The following GABRB2 variants were observed in gnomAD, a reference collection of about 807,000 sequenced individuals.
GABRB2 encodes the protein gamma-aminobutyric acid type A receptor subunit beta2.
In GABRB2, 16 loss-of-function variants were observed where a neutral mutation model predicts 54.7. The observed-to-expected ratio is 0.29, with a 90% CI of 0.20 to 0.44. GABRB2 has a LOEUF of 0.44. Among genes scored for constraint, GABRB2 ranks in the 20% least tolerant of loss-of-function variants. The probability of loss-of-function intolerance (pLI) is 1.00; values close to 1 mark genes in which losing one functional copy is unlikely to be tolerated. For synonymous variants in GABRB2, 244 were observed against 233.8 expected (o/e 1.04, Z -0.40); for missense variants, 355 against 644.0 (o/e 0.55, Z 4.86).
rs370193989 is a variant in GABRB2 at position 161,324,865 on chromosome 5, TATG to T, written c.1191+1500_1191+1502del. 4.1e-4 allele frequency among the ~76,000 whole-genome samples: 63 copies of T among 152,236 alleles called. No individual in the cohort carries two copies. In the South Asian group the frequency reaches 8.7e-3, roughly 21 times the overall value. On this transcript the variant is annotated intron_variant, in intron 9 of 9. Transcript: ENST00000393959. ...TATTTTCATTGAACATTTTTGTTAATATGATATTTTATGAGATAGAGGAAGAGG... is the reference window on the plus strand; with the variant it reads ...TATTTTCATTGAACATTTTTGTTAATATATTTTATGAGATAGAGGAAGAGG...
chr5:161,468,369 C>T (rs1758337725), intron 3 of GABRB2, among the ~76,000 whole-genome samples: 1 of 152,074 alleles, frequency 6.6e-6, no homozygotes, highest in Non-Finnish European at 1.5e-5. Context: ...CCACACTGGC[C>T]TGTTCTGTTT....
intron 8 of GABRB2, among the ~76,000 whole-genome samples, chr5:161,327,444 A>G (rs1195590788): frequency 1.3e-5 from 2 of 151,996 alleles, no homozygotes; most frequent in East Asian, 3.9e-4. Context: ...AGAAGGATAG[A>G]AAAATCCATA....
chr5:161,299,450 A>G (rs1757473088), intron 9 of GABRB2, among the ~76,000 whole-genome samples: 2 of 152,206 alleles, frequency 1.3e-5, no homozygotes, highest in African/African-American at 4.8e-5. Flanking sequence ...CCAAATCAAC[A>G]GAATCTGCTG....
intron 5 of GABRB2, among the ~76,000 whole-genome samples, chr5:161,370,209 A>G (rs1190494180): frequency 6.6e-6 from 1 of 152,208 alleles, no homozygotes; most frequent in Non-Finnish European, 1.5e-5. Flanking sequence ...AGTCTAGATT[A>G]CTTACAGGAA....
Position 161,395,845 on chromosome 5 carries a change from C to A in GABRB2, c.541+15130G>T, listed in dbSNP as rs536966835. On this transcript the variant is annotated intron_variant, in intron 5 of 9. Coordinates refer to ENST00000393959, the MANE Select transcript of GABRB2 (RefSeq NM_001371727.1). The stretch of plus-strand genomic sequence containing the variant: ...AAGACTGCCCACTCCAGCCCTTATA[C>A]CTTCTACCTTGCTGTCATCAAAAGG... 1.7e-3 allele frequency among the ~76,000 whole-genome samples: 253 copies of A among 152,154 alleles called. 1 individual carries two copies. Among genetic ancestry groups the A allele is most frequent in the African/African-American group, 5.8e-3 (241 of 41,542 alleles).
At chr5:161,509,470 T>C (rs1009395408) in intron 3 of GABRB2, among the ~76,000 whole-genome samples, 2 of 151,932 alleles carry the variant, frequency 1.3e-5, no homozygotes, top group Admixed American at 6.6e-5. Context: ...GGCATCACTT[T>C]CTCTGAAAAG....
rs67936445 is a variant in GABRB2 at position 161,398,013 on chromosome 5, TGATAGATA to T, written c.541+12954_541+12961del. ...TAATTGATAGACAGAGGTAGATAGA[TGATAGATA>T]GATAGATAGATAGATAGACAGATAG... On this transcript the variant is annotated intron_variant, in intron 5 of 9. Coordinates refer to ENST00000393959, the MANE Select transcript of GABRB2 (RefSeq NM_001371727.1). Among the ~76,000 whole-genome samples the T allele has an allele frequency of 1.3e-3, 196 of 151,076 alleles. 1 individual carries two copies. Among genetic ancestry groups the T allele is most frequent in the African/African-American group, 4.0e-3 (165 of 41,198 alleles).
intron 6 of GABRB2, 34 bp from the exon 7 acceptor site, chr5:161,334,938 A>G: frequency 1.2e-6 from 2 of 1,602,244 alleles, no homozygotes; most frequent in Non-Finnish European, 1.7e-6. Flanking sequence ...CATCATTATC[A>G]ATCAATATTT....
At chr5:161,544,385 C>T (rs1760907073) in intron 3 of GABRB2, among the ~76,000 whole-genome samples, 1 of 152,040 alleles carries the variant, frequency 6.6e-6, no homozygotes, top group African/African-American at 2.4e-5. Flanking sequence ...AGGAATGCCC[C>T]CAAGTATGTG....
chr5:161,430,062 G>A (rs1323956902), intron 4 of GABRB2, among the ~76,000 whole-genome samples: 1 of 151,962 alleles, frequency 6.6e-6, no homozygotes, highest in Non-Finnish European at 1.5e-5. Flanking sequence ...CTGTCCTGAG[G>A]GCTAATGTTA....
At chr5:161,398,877 AC>A (rs1756089091) in intron 5 of GABRB2, among the ~76,000 whole-genome samples, 1 of 151,890 alleles carries the variant, frequency 6.6e-6, no homozygotes, top group East Asian at 1.9e-4. Flanking sequence ...TTTAGTAGAG[AC>A]TGGGTTTCAC....
At chr5:161,405,776 T>C (rs1385454334) in intron 5 of GABRB2, among the ~76,000 whole-genome samples, 1 of 152,052 alleles carries the variant, frequency 6.6e-6, no homozygotes, top group Admixed American at 6.6e-5. Flanking sequence ...ACAAAATATA[T>C]TAGCTCCTTG....
intron 4 of GABRB2, among the ~76,000 whole-genome samples, chr5:161,414,065 T>C (rs994817775): frequency 1.3e-5 from 2 of 152,238 alleles, no homozygotes; most frequent in African/African-American, 4.8e-5. Context: ...TCCAGCATTT[T>C]ACTGTTGTTT....
chr5:161,426,508 A>T (rs1757001857), intron 4 of GABRB2, among the ~76,000 whole-genome samples: 2 of 152,108 alleles, frequency 1.3e-5, no homozygotes, highest in South Asian at 2.1e-4. Flanking sequence ...AATGTACTTG[A>T]CTGAAAATTC....
At chr5:161,355,708 TA>T (rs1189919022) in intron 5 of GABRB2, among the ~76,000 whole-genome samples, 4 of 150,890 alleles carry the variant, frequency 2.7e-5, no homozygotes, top group African/African-American at 4.9e-5. Context: ...TAGTAACTGA[TA>T]AAAAAAAAGG....
intron 9 of GABRB2, among the ~76,000 whole-genome samples, chr5:161,307,176 T>C (rs140494654): frequency 6.6e-6 from 1 of 152,282 alleles, no homozygotes; most frequent in East Asian, 1.9e-4. Flanking sequence ...TCAGTTCAAA[T>C]TCTTTTTTCA....
intron 4 of GABRB2, among the ~76,000 whole-genome samples, chr5:161,439,933 A>G (rs1414030920): frequency 6.6e-6 from 1 of 152,074 alleles, no homozygotes; most frequent in Non-Finnish European, 1.5e-5. Flanking sequence ...ATGTTTACCT[A>G]TATAACAAAC....
intron 5 of GABRB2, among the ~76,000 whole-genome samples, chr5:161,381,370 C>A (rs1425608375): frequency 2.0e-5 from 3 of 152,134 alleles, no homozygotes; most frequent in African/African-American, 7.2e-5. Flanking sequence ...ACAGCAGTAT[C>A]ATTATAAGAA....
intron 3 of GABRB2, among the ~76,000 whole-genome samples, chr5:161,531,179 C>T (rs928119147): frequency 1.3e-5 from 2 of 152,106 alleles, no homozygotes; most frequent in South Asian, 2.1e-4. Flanking sequence ...TAAAAATTGG[C>T]ACCTGCTCAC....
Sources: gnomAD v4.1 joint callset for allele counts (sites outside exome capture counted in the v4.1 genomes callset) on GRCh38, gnomAD v4.1.1 for gene constraint, MANE v1.5 for transcripts, NCBI Gene and HGNC (gene_info 2026-07-23, HGNC 2026-07-21) for gene names.